The following PLD1 variants were observed in gnomAD, a reference collection of about 807,000 sequenced individuals.
The protein encoded by PLD1 is phospholipase D1.
In PLD1, 112 loss-of-function variants were observed where a neutral mutation model predicts 137.1. The observed-to-expected ratio is 0.82, with a 90% CI of 0.70 to 0.96. PLD1 has a LOEUF of 0.96. PLD1 is among the 40% of genes least tolerant of loss of function. PLD1 has a pLI of 0.00. For synonymous variants in PLD1, 431 were observed against 454.7 expected (o/e 0.95, Z 0.66); for missense variants, 1,321 against 1,342.0 (o/e 0.98, Z 0.24).
chr3:171,689,010 G>T, intron 13 of PLD1, 134 bp from the exon 14 acceptor site: 1 of 518,452 alleles, frequency 1.9e-6, no homozygotes, highest in Non-Finnish European at 3.4e-6. Flanking sequence ...ATACACCAAA[G>T]AAAATAATTT....
At chr3:171,711,080 G>A (rs1717179016) in intron 9 of PLD1, among the ~76,000 whole-genome samples, 1 of 150,504 alleles carries the variant, frequency 6.6e-6, no homozygotes, top group East Asian at 2.0e-4. Context: ...TCCATGTTAG[G>A]CTGGTCTCGA....
At chr3:171,716,181 T>G (rs905477318) in intron 8 of PLD1, among the ~76,000 whole-genome samples, 4 of 152,128 alleles carry the variant, frequency 2.6e-5, no homozygotes, top group Admixed American at 6.6e-5. Flanking sequence ...CTATTGTAAA[T>G]TGTGCTGCAG....
At chr3:171,648,680 G>A (rs530148099) in intron 21 of PLD1, among the ~76,000 whole-genome samples, 12 of 151,502 alleles carry the variant, frequency 7.9e-5, no homozygotes, top group East Asian at 1.9e-4. Flanking sequence ...TCAGCTTCCC[G>A]AGTAGCTGGC....
intron 1 of PLD1, among the ~76,000 whole-genome samples, chr3:171,752,019 A>T (rs1382189255): frequency 2.0e-5 from 3 of 151,934 alleles, no homozygotes; most frequent in Non-Finnish European, 4.4e-5. Flanking sequence ...AAAAAAAAAG[A>T]AAGAAAGAAA....
At chr3:171,674,699 C>T in intron 18 of PLD1, 86 bp from the exon 19 acceptor site, 1 of 745,814 alleles carries the variant, frequency 1.3e-6, no homozygotes, top group Non-Finnish European at 2.2e-6. Context: ...AATTCATGCC[C>T]AGGTGCAGTG....
chr3:171,741,491 C>A (rs1415772620), intron 1 of PLD1, among the ~76,000 whole-genome samples: 1 of 152,164 alleles, frequency 6.6e-6, no homozygotes, highest in Non-Finnish European at 1.5e-5. Context: ...CAGGCACAGC[C>A]TATATTAGCC....
chr3:171,763,288 G>A (rs924034762), intron 1 of PLD1, among the ~76,000 whole-genome samples: 17 of 151,532 alleles, frequency 1.1e-4, no homozygotes, highest in Admixed American at 1.1e-3. Flanking sequence ...CAGGCATGGT[G>A]GCTCACACTT....
chr3:171,618,794 T>C lies in PLD1; in HGVS notation c.2728+1592A>G, dbSNP rs1281461625. On this transcript the variant is annotated intron_variant, in intron 24 of 26. Transcript: ENST00000351298. Reference sequence around the variant, plus strand: ...CTGTGGTTTACACAGTTTCTGGCTATAGACGAGGAGATAAAGGAACAATAT... The same window carrying C: ...CTGTGGTTTACACAGTTTCTGGCTACAGACGAGGAGATAAAGGAACAATAT... Among the ~76,000 whole-genome samples, 5 of 148,960 alleles carry C rather than the reference T, an allele frequency of 3.4e-5. No individual in the cohort carries two copies. The South Asian group carries it at 6.4e-4, about 19-fold the overall frequency.
chr3:171,783,589 T>C (rs370083330), intron 1 of PLD1, among the ~76,000 whole-genome samples: 8 of 152,102 alleles, frequency 5.3e-5, no homozygotes, highest in South Asian at 4.2e-4. Context: ...TTGACTCCTG[T>C]TTTTTTTATT....
At position 171,766,070 on chromosome 3, in the gene PLD1, T is replaced by G. The variant is rs145378989; in HGVS notation, c.-31-27988A>C. ...CAAAGTAAAATGATTCTGTCCTTTA[T>G]AAAAATTCATTTTACCTCAACTCTA... On this transcript the variant is annotated intron_variant, in intron 1 of 26. Coordinates refer to ENST00000351298, the MANE Select transcript of PLD1 (RefSeq NM_002662.5). Among the ~76,000 whole-genome samples the G allele has an allele frequency of 4.8e-3, 730 of 152,334 alleles. 2 individuals are homozygous for G. Among genetic ancestry groups the G allele is most frequent in the African/African-American group, 0.017 (704 of 41,586 alleles).
At chr3:171,808,279 G>C (rs890022428) in intron 1 of PLD1, among the ~76,000 whole-genome samples, 2 of 152,048 alleles carry the variant, frequency 1.3e-5, no homozygotes, top group African/African-American at 4.8e-5. Context: ...GCTCACGCCT[G>C]TAATCCCAGC....
intron 12 of PLD1, among the ~76,000 whole-genome samples, chr3:171,698,469 T>C (rs903454906): frequency 1.3e-5 from 2 of 152,078 alleles, no homozygotes; most frequent in African/African-American, 4.8e-5. Flanking sequence ...ACTATATTTG[T>C]GGATATCCCC....
At chr3:171,677,717 T>C in intron 16 of PLD1, 23 bp from the exon 17 acceptor site, 1 of 1,611,066 alleles carries the variant, frequency 6.2e-7, no homozygotes, top group South Asian at 1.1e-5. Context: ...CAAGACCCCC[T>C]CAGAGACTGT....
intron 23 of PLD1, among the ~76,000 whole-genome samples, chr3:171,623,597 C>T (rs1445779317): frequency 6.6e-6 from 1 of 151,922 alleles, no homozygotes; most frequent in African/African-American, 2.4e-5. Flanking sequence ...GCTGGGATTA[C>T]AGGCATGAGC....
rs1736076985 is a variant in PLD1, at chr3:171,644,977, C to CT, written c.2475dup (p.Gly826ArgfsTer42). The CT allele has an allele frequency of 6.2e-7, 1 of 1,613,918 alleles. No individual in the cohort carries two copies. The highest frequency in any genetic ancestry group is 1.3e-5 in the African/African-American group (1 of 74,900). On this transcript the variant is annotated frameshift_variant, in exon 22 of 27. Coordinates refer to ENST00000351298, the MANE Select transcript of PLD1 (RefSeq NM_002662.5). LOFTEE classifies it high-confidence loss of function. ...CCGGTTGAAATGTCTCCTTCGAACC[C>CT]TGGCAGAAGTGGTATCACGACATAT...
chr3:171,687,753 T>A (rs912600972), intron 14 of PLD1, among the ~76,000 whole-genome samples, 169 bp from the exon 15 acceptor site: 1 of 152,214 alleles, frequency 6.6e-6, no homozygotes, highest in African/African-American at 2.4e-5. Context: ...TCTTGTGAAC[T>A]GTTTAAAAAC....
At chr3:171,656,649 G>A (rs1299690269) in intron 21 of PLD1, among the ~76,000 whole-genome samples, 2 of 152,368 alleles carry the variant, frequency 1.3e-5, no homozygotes, top group African/African-American at 2.4e-5. Flanking sequence ...CAAGCTCTCT[G>A]TAATCTTGCA....
intron 16 of PLD1, among the ~76,000 whole-genome samples, chr3:171,682,166 A>AAGAAAAAG (rs1553819289): frequency 8.8e-4 from 26 of 29,460 alleles, no homozygotes; most frequent in South Asian, 7.0e-3. Context: ...GAAAGAAAGA[A>AAGAAAAAG]AAAGAAAGAA....
rs571538714 is a variant in PLD1, at chr3:171,680,242, C to CTTTTTTTTTTTTTT, written c.1868-2562_1868-2549dup. Among the ~76,000 whole-genome samples, 4 of 102,928 alleles carry CTTTTTTTTTTTTTT rather than the reference C, an allele frequency of 3.9e-5. 1 individual carries two copies. Among genetic ancestry groups the CTTTTTTTTTTTTTT allele is most frequent in the African/African-American group, 4.2e-5 (1 of 23,884 alleles). 67.5% of individuals were successfully genotyped at this position (102,928 alleles called of 152,430 possible). On this transcript the variant is annotated intron_variant, in intron 16 of 26. Coordinates refer to ENST00000351298, the MANE Select transcript of PLD1 (RefSeq NM_002662.5). Reference sequence around the variant, plus strand: ...GTCTTTTTGTTTTCTTTTTCTTCCTCTTTTTTTTTTTTTTTTTTTTTTTTT... The same window carrying CTTTTTTTTTTTTTT: ...GTCTTTTTGTTTTCTTTTTCTTCCTCTTTTTTTTTTTTTTTTTTTTTTTTTTTTTTTTTTTTTTT...
Sources: gnomAD v4.1 joint callset for allele counts (sites outside exome capture counted in the v4.1 genomes callset) on GRCh38, gnomAD v4.1.1 for gene constraint, MANE v1.5 for transcripts, NCBI Gene and HGNC (gene_info 2026-07-23, HGNC 2026-07-21) for gene names.